The following DNAH3 variants were observed in gnomAD, a reference collection of about 807,000 sequenced individuals.
The protein encoded by DNAH3 is dynein axonemal heavy chain 3, also known as axonemal beta dynein heavy chain 3.
A neutral mutation model predicts 432.5 loss-of-function variants in DNAH3; 332 were observed. The ratio of observed to expected loss-of-function variants is 0.77; its 90% CI spans 0.70 to 0.84. DNAH3 has a LOEUF of 0.84. Ranked by LOEUF, DNAH3 falls within the 40% of genes least tolerant of loss-of-function variation. DNAH3 has a pLI of 0.00. For synonymous variants in DNAH3, 1,956 were observed against 1,900.2 expected, an observed-to-expected ratio of 1.03 and a Z score of -0.76; for missense variants, 4,861 against 5,114.0, an observed-to-expected ratio of 0.95 and a Z score of 1.51.
chr16:21,090,883 G>A (rs2091512528), intron 18 of DNAH3, among the ~76,000 whole-genome samples: 2 of 152,140 alleles, frequency 1.3e-5, no homozygotes, highest in South Asian at 4.1e-4. Flanking sequence ...TGGGTGAGGT[G>A]GCTCATGCCT....
chr16:21,156,190 ATTTTATTTTATTTAT>A (rs556763924), intron 1 of DNAH3, among the ~76,000 whole-genome samples: 2,464 of 145,292 alleles, frequency 0.017, 68 homozygotes, highest in African/African-American at 0.061. Context: ...ATTTTATTTT[ATTTTATTTTATTTAT>A]TTTATTTTAT....
chr16:21,036,859 G>T lies in DNAH3; in HGVS notation c.4951-11C>A. 1.3e-6 allele frequency: 2 copies of T among 1,598,322 alleles called. No individual in the cohort carries two copies. Among genetic ancestry groups the T allele is most frequent in the East Asian group, 2.2e-5 (1 of 44,798 alleles). On this transcript the variant is annotated splice_polypyrimidine_tract_variant and intron_variant, in intron 34 of 61. Coordinates refer to ENST00000261383, the Ensembl canonical transcript of DNAH3. ...ATCAGATATAATTCCCTGTTAAAAA[G>T]AATTTAAAAGAAAGTGGAAAGGATA...
rs375097858 is a variant in DNAH3 at position 21,069,422 on chromosome 16, G to A, written c.3374C>T (p.Ser1125Phe). ...TAGGGTATAAAAACTTACCGCTTGG[G>A]ACATAAGTGATTTCCAGTAACTATC... The change falls in exon 23 of 62, where the codon TCC becomes TTC. Residue 1125 changes from serine (S) to phenylalanine (F), a missense_variant. Coordinates refer to ENST00000261383, the Ensembl canonical transcript of DNAH3. 5 of 1,613,750 alleles carry A rather than the reference G, an allele frequency of 3.1e-6. No individual in the cohort carries two copies. The highest frequency in any genetic ancestry group is 3.4e-6 in the Non-Finnish European group (4 of 1,179,932).
intron 19 of DNAH3, among the ~76,000 whole-genome samples, chr16:21,086,233 T>G (rs2091368177): frequency 6.6e-6 from 1 of 152,242 alleles, no homozygotes; most frequent in Non-Finnish European, 1.5e-5. Flanking sequence ...TTTTCTTTTT[T>G]CTGCTTAGTG....
chr16:20,954,716 C>T (rs2084479973), intron 55 of DNAH3, 97 bp downstream of exon 55: 12 of 1,400,420 alleles, frequency 8.6e-6, no homozygotes, highest in Non-Finnish European at 8.7e-6. Context: ...ACTGGCAACC[C>T]TATCTGAGCG....
chr16:21,058,452 T>C (rs1022300910), intron 26 of DNAH3, among the ~76,000 whole-genome samples: 1 of 152,206 alleles, frequency 6.6e-6, no homozygotes, highest in Admixed American at 6.5e-5. Context: ...ATCAAATTTT[T>C]CCATAGTTAT....
chr16:21,077,321 C>A (rs2091010238), intron 20 of DNAH3, among the ~76,000 whole-genome samples: 1 of 152,056 alleles, frequency 6.6e-6, no homozygotes, highest in African/African-American at 2.4e-5. Context: ...CTCCACCACA[C>A]CTGGCTAATT....
intron 18 of DNAH3, among the ~76,000 whole-genome samples, chr16:21,088,064 T>C (rs1228405281): frequency 2.0e-5 from 3 of 152,120 alleles, no homozygotes; most frequent in Non-Finnish European, 4.4e-5. Flanking sequence ...ATATTTCAAA[T>C]TGGTATTAAC....
At chr16:21,099,283 T>C (rs532203302) in intron 16 of DNAH3, among the ~76,000 whole-genome samples, 3 of 149,236 alleles carry the variant, frequency 2.0e-5, no homozygotes, top group African/African-American at 7.5e-5. Context: ...GACAGATGGA[T>C]GGATGGATGA....
chr16:20,986,251 T>TC (rs1366824084), intron 47 of DNAH3, among the ~76,000 whole-genome samples: 2 of 150,910 alleles, frequency 1.3e-5, no homozygotes, highest in African/African-American at 4.9e-5. Context: ...ATGCCTGTAG[T>TC]CCCAGCACTT....
intron 44 of DNAH3, among the ~76,000 whole-genome samples, chr16:20,989,091 C>A (rs937424932): frequency 1.3e-5 from 2 of 152,172 alleles, no homozygotes; most frequent in African/African-American, 2.4e-5. Context: ...TTCCACAGTG[C>A]GGAAAGAGAC....
At chr16:21,022,576 G>A (rs549631910) in intron 39 of DNAH3, among the ~76,000 whole-genome samples, 8 of 152,142 alleles carry the variant, frequency 5.3e-5, no homozygotes, top group Admixed American at 3.9e-4. Context: ...TTTACCACAC[G>A]TATGGGTAGG....
intron 11 of DNAH3, chr16:21,120,620 T>C (rs770531293): frequency 1.6e-5 from 12 of 764,120 alleles, no homozygotes; most frequent in Admixed American, 6.1e-5. Context: ...TCAGTCTACG[T>C]TGTTTTTCCT....
chr16:20,970,740 A>G (rs2085301205), intron 51 of DNAH3, among the ~76,000 whole-genome samples: 1 of 152,138 alleles, frequency 6.6e-6, no homozygotes, highest in Non-Finnish European at 1.5e-5. Context: ...GGGGAAAGAA[A>G]TAATTGGAAA....
At chr16:21,134,672 T>TA (rs1555571526) in intron 6 of DNAH3, among the ~76,000 whole-genome samples, 1 of 151,814 alleles carries the variant, frequency 6.6e-6, no homozygotes. Flanking sequence ...AGTCAACTCT[T>TA]TTTATTTATT....
At chr16:21,076,933 G>C (rs1208180876) in intron 20 of DNAH3, among the ~76,000 whole-genome samples, 2 of 152,048 alleles carry the variant, frequency 1.3e-5, no homozygotes, top group African/African-American at 4.8e-5. Flanking sequence ...GTACCTTCTA[G>C]GGTGTTGAGC....
intron 32 of DNAH3, among the ~76,000 whole-genome samples, chr16:21,040,386 T>TTTTTTTTTA (rs2089384540): frequency 1.6e-5 from 2 of 123,426 alleles, no homozygotes; most frequent in South Asian, 2.5e-4. Context: ...TTTTTTTTTT[T>TTTTTTTTTA]AAGACAGAGT....
At chr16:21,003,112 C>T (rs551695555) in exon 42 of DNAH3, 1 of 1,605,644 alleles carries the variant, frequency 6.2e-7, no homozygotes, top group East Asian at 2.2e-5. Context: ...ACCTTTGCAC[C>T]AGCTGGAACT....
chr16:21,046,581 G>A (rs2089708242), intron 31 of DNAH3, among the ~76,000 whole-genome samples: 1 of 152,090 alleles, frequency 6.6e-6, no homozygotes, highest in Non-Finnish European at 1.5e-5. Context: ...CTGCATGTGA[G>A]ATGGGTTTCC....
Sources: allele counts gnomAD v4.1 joint callset (sites outside exome capture counted in the v4.1 genomes callset), GRCh38; gene constraint gnomAD v4.1.1; transcripts MANE v1.5; gene names NCBI Gene and HGNC (gene_info 2026-07-23, HGNC 2026-07-21).